Variants in DLGAP2 observed in about 807,000 individuals in gnomAD.
DLGAP2 encodes the protein disks large-associated protein 2.
Under a neutral mutation model 100.3 loss-of-function variants are expected in DLGAP2, and 26 were observed. That is an observed-to-expected ratio of 0.26 (90% CI 0.19 to 0.36). The LOEUF is 0.36. DLGAP2 is among the 10% of genes least tolerant of loss of function. The pLI is 1.00. For missense variants in DLGAP2, 1,858 were observed against 1,453.2 expected (o/e 1.28, Z -4.53); for synonymous variants, 886 against 630.1 (o/e 1.41, Z -6.08).
chr8:955,905 C>G (rs915802413), intron 2 of DLGAP2, among the ~76,000 whole-genome samples: 9 of 152,040 alleles, frequency 5.9e-5, no homozygotes, highest in Non-Finnish European at 2.9e-5. Flanking sequence ...ATGTGTTGCT[C>G]GGTATTAAGA....
chr8:1,346,915 G>C (rs900590829), intron 3 of DLGAP2, among the ~76,000 whole-genome samples: 1 of 151,568 alleles, frequency 6.6e-6, no homozygotes, highest in African/African-American at 2.4e-5. Context: ...TGGAGGTTGA[G>C]TTCCCATACA....
At chr8:1,307,237 A>G (rs544972900) in intron 3 of DLGAP2, among the ~76,000 whole-genome samples, 11 of 152,324 alleles carry the variant, frequency 7.2e-5, no homozygotes, top group Admixed American at 6.5e-4. Flanking sequence ...ATATTTCTCC[A>G]AGAAGATTCA....
rs140551051 is a variant in DLGAP2 at position 1,361,498 on chromosome 8, G to T, written c.106+102615G>T. 1.3e-3 allele frequency among the ~76,000 whole-genome samples: 202 copies of T among 152,314 alleles called. 2 individuals carry two copies. Among genetic ancestry groups the T allele is most frequent in the African/African-American group, 4.6e-3 (193 of 41,572 alleles). ...AACTAAGGTAACACACGGCTCTGTA[G>T]GTAGCCGTCTGGTGCTGAGAATTGC... On this transcript the variant is annotated intron_variant, in intron 3 of 14. Transcript: ENST00000637795.
At chr8:1,083,211 G>A (rs950594859) in intron 2 of DLGAP2, among the ~76,000 whole-genome samples, 1 of 152,124 alleles carries the variant, frequency 6.6e-6, no homozygotes. Context: ...CAGGGGCATC[G>A]CGTAACACAA....
Position 1,475,192 on chromosome 8 carries a change from C to G in DLGAP2, c.107-26174C>G, listed in dbSNP as rs183536021. Among the ~76,000 whole-genome samples the G allele has an allele frequency of 2.6e-5, 4 of 152,258 alleles. No individual in the cohort carries two copies. The East Asian group carries it at 5.8e-4, about 22-fold the overall frequency. On this transcript the variant is annotated intron_variant, in intron 3 of 14. Coordinates refer to ENST00000637795, the MANE Select transcript of DLGAP2 (RefSeq NM_001346810.2). Reference sequence around the variant, plus strand: ...GCACACGTGGACACAGAGACGGGAACAAGACACCGGGAACTACTGTGCTCA... The same window carrying G: ...GCACACGTGGACACAGAGACGGGAAGAAGACACCGGGAACTACTGTGCTCA...
At chr8:842,888 A>C (rs10098881) in intron 1 of DLGAP2, among the ~76,000 whole-genome samples, 2 of 151,868 alleles carry the variant, frequency 1.3e-5, no homozygotes, top group South Asian at 4.2e-4. Flanking sequence ...AGTTTTTCTA[A>C]TTCTGATTTA....
At chr8:893,050 C>G (rs1798068433) in intron 1 of DLGAP2, 1 of 152,206 alleles carries the variant, frequency 6.6e-6, no homozygotes, top group African/African-American at 2.4e-5. Context: ...AGAGGAAAGC[C>G]CGGGGCTAAA....
chr8:1,325,743 T>G (rs1416259448), intron 3 of DLGAP2, among the ~76,000 whole-genome samples: 1 of 152,116 alleles, frequency 6.6e-6, no homozygotes. Context: ...CAAAGAAAAA[T>G]GACAGACTCA....
intron 1 of DLGAP2, among the ~76,000 whole-genome samples, chr8:803,938 G>A (rs1042358869): frequency 2.7e-4 from 41 of 152,212 alleles, no homozygotes; most frequent in African/African-American, 9.9e-4. Context: ...TGGATAGAAA[G>A]ATGTATCCGT....
intron 1 of DLGAP2, among the ~76,000 whole-genome samples, chr8:745,793 A>G (rs1820603263): frequency 6.6e-6 from 1 of 152,228 alleles, no homozygotes. Context: ...TACCATATTA[A>G]GTAAAGAGAA....
intron 2 of DLGAP2, among the ~76,000 whole-genome samples, chr8:1,224,939 G>C (rs940120986): frequency 6.6e-6 from 1 of 152,246 alleles, no homozygotes; most frequent in African/African-American, 2.4e-5. Flanking sequence ...CGGAAGCAAA[G>C]TGACAAGAGT....
chr8:1,484,628 T>G (rs1799191185), intron 3 of DLGAP2, among the ~76,000 whole-genome samples: 2 of 152,216 alleles, frequency 1.3e-5, no homozygotes, highest in South Asian at 4.1e-4. Flanking sequence ...CAGACCCAAC[T>G]TACAAGCTGG....
intron 2 of DLGAP2, among the ~76,000 whole-genome samples, chr8:1,252,886 C>T (rs1483966726): frequency 6.6e-6 from 1 of 152,220 alleles, no homozygotes; most frequent in Non-Finnish European, 1.5e-5. Context: ...CCCTGTGTCT[C>T]TTAGTCACTG....
intron 1 of DLGAP2, among the ~76,000 whole-genome samples, chr8:773,718 A>G (rs184321756): frequency 0.012 from 1,854 of 151,988 alleles, 42 homozygotes; most frequent in African/African-American, 0.042. Flanking sequence ...TGGTGTATAT[A>G]TGCCACATTT....
At chr8:1,622,711 T>G (rs753491550) in intron 6 of DLGAP2, among the ~76,000 whole-genome samples, 10 of 152,160 alleles carry the variant, frequency 6.6e-5, no homozygotes, top group Non-Finnish European at 1.5e-4. Flanking sequence ...TCTAGAAAAC[T>G]TTTCACTATT....
At chr8:994,440 T>C (rs1405716608) in intron 2 of DLGAP2, among the ~76,000 whole-genome samples, 1 of 152,186 alleles carries the variant, frequency 6.6e-6, no homozygotes, top group Non-Finnish European at 1.5e-5. Context: ...CCTCAGGTGA[T>C]CCGTCTGCCT....
At chr8:1,667,297 GTTAT>G (rs1205252350) in intron 8 of DLGAP2, among the ~76,000 whole-genome samples, 1 of 152,178 alleles carries the variant, frequency 6.6e-6, no homozygotes, top group Non-Finnish European at 1.5e-5. Flanking sequence ...GGTTCTAAGA[GTTAT>G]TTAATACAGT....
chr8:1,351,766 A>G, intron 3 of DLGAP2, among the ~76,000 whole-genome samples: 1 of 76,540 alleles, frequency 1.3e-5, no homozygotes, highest in Admixed American at 1.4e-4. Context: ...TATGTGTGGA[A>G]AGGCCGTGCG....
chr8:877,679 C>T (rs779793618), intron 1 of DLGAP2, among the ~76,000 whole-genome samples: 2 of 152,218 alleles, frequency 1.3e-5, no homozygotes, highest in Admixed American at 1.3e-4. Flanking sequence ...AAGCCAGTAA[C>T]CTACAGGTTC....
Sources: gnomAD v4.1 joint callset for allele counts (sites outside exome capture counted in the v4.1 genomes callset) on GRCh38, gnomAD v4.1.1 for gene constraint, MANE v1.5 for transcripts, NCBI Gene and HGNC (gene_info 2026-07-23, HGNC 2026-07-21) for gene names.